The following ZBTB16 variants were observed in gnomAD, a reference collection of about 807,000 sequenced individuals.
ZBTB16 encodes the protein zinc finger and BTB domain containing 16.
A neutral mutation model predicts 56.8 loss-of-function variants in ZBTB16; 8 were observed. That is an observed-to-expected ratio of 0.14 (90% CI 0.08 to 0.25). The LOEUF (loss-of-function observed/expected upper bound fraction) is 0.25, where lower values mean the gene tolerates loss of function less well. Ranked by LOEUF, ZBTB16 falls within the 10% of genes least tolerant of loss-of-function variation. The pLI is 1.00. For synonymous variants in ZBTB16, 363 were observed against 368.5 expected (o/e 0.98, Z 0.17); for missense variants, 625 against 903.0 (o/e 0.69, Z 3.95).
chr11:114,200,467 A>G (rs937315859), intron 4 of ZBTB16, among the ~76,000 whole-genome samples: 1 of 152,172 alleles, frequency 6.6e-6, no homozygotes, highest in African/African-American at 2.4e-5. Context: ...GTGGCTTTTT[A>G]TGTATGGTCC....
intron 2 of ZBTB16, among the ~76,000 whole-genome samples, chr11:114,149,089 G>A (rs1362285311): frequency 2.6e-5 from 4 of 152,126 alleles, no homozygotes; most frequent in Admixed American, 2.6e-4. Context: ...AATCCAGCCA[G>A]CACAGACCCA....
intron 2 of ZBTB16, among the ~76,000 whole-genome samples, chr11:114,137,712 A>G (rs1221731860): frequency 2.0e-5 from 3 of 152,160 alleles, no homozygotes; most frequent in Non-Finnish European, 4.4e-5. Context: ...AAGGTTGACC[A>G]TGCCCTTTTT....
At chr11:114,134,034 G>A (rs1941736189) in intron 2 of ZBTB16, among the ~76,000 whole-genome samples, 1 of 152,226 alleles carries the variant, frequency 6.6e-6, no homozygotes, top group Non-Finnish European at 1.5e-5. Flanking sequence ...TGGCTCCTGA[G>A]ATGCACGGGA....
intron 3 of ZBTB16, 108 bp from the exon 4 acceptor site, chr11:114,186,844 G>A: frequency 9.5e-7 from 1 of 1,056,354 alleles, no homozygotes; most frequent in Admixed American, 1.8e-5. Flanking sequence ...GATTTTTGCG[G>A]GTGTCCAGTC....
chr11:114,228,157 T>C (rs1245283896), intron 4 of ZBTB16, among the ~76,000 whole-genome samples: 1 of 152,230 alleles, frequency 6.6e-6, no homozygotes, highest in African/African-American at 2.4e-5. Context: ...AGGATTGTCA[T>C]GGAAACTTGA....
At position 114,240,149 on chromosome 11, in the gene ZBTB16, C is replaced by G. The variant is rs567922006; in HGVS notation, c.1454-2018C>G. On this transcript the variant is annotated intron_variant, in intron 4 of 6. Transcript: ENST00000335953. Reference sequence around the variant, plus strand: ...CTTCCTGACTGCTGGTGAGATGGGGCGTGGCTCCAGGTGCTTAGACTTCAG... The same window carrying G: ...CTTCCTGACTGCTGGTGAGATGGGGGGTGGCTCCAGGTGCTTAGACTTCAG... Among the ~76,000 whole-genome samples, 11 of 152,154 alleles carry G rather than the reference C, an allele frequency of 7.2e-5. No homozygotes were observed. The East Asian group carries it at 1.4e-3, about 19-fold the overall frequency.
intron 2 of ZBTB16, among the ~76,000 whole-genome samples, chr11:114,067,169 C>T (rs757556941): frequency 5.3e-5 from 8 of 152,140 alleles, no homozygotes; most frequent in South Asian, 2.1e-4. Context: ...ACATAGTCAC[C>T]GCAGCGGTGG....
intron 5 of ZBTB16, 99 bp from the exon 6 acceptor site, chr11:114,247,099 A>G (rs1944830037): frequency 4.6e-6 from 7 of 1,538,334 alleles, no homozygotes; most frequent in Non-Finnish European, 6.3e-6. Flanking sequence ...TGGTGAATAC[A>G]GGCCGTCGCA....
At chr11:114,230,619 A>C (rs1944420367) in intron 4 of ZBTB16, among the ~76,000 whole-genome samples, 1 of 73,280 alleles carries the variant, frequency 1.4e-5, no homozygotes, top group Admixed American at 1.9e-4. Context: ...CTTAATTTGT[A>C]ATCATCTTCT....
chr11:114,187,109 G>A (rs765197054), intron 4 of ZBTB16, 71 bp downstream of exon 4: 1 of 1,476,876 alleles, frequency 6.8e-7, no homozygotes, highest in East Asian at 2.3e-5. Context: ...GAACTGTCTG[G>A]GTGGCAACCT....
intron 4 of ZBTB16, among the ~76,000 whole-genome samples, chr11:114,191,752 A>G (rs1943498418): frequency 6.6e-6 from 1 of 152,192 alleles, no homozygotes; most frequent in African/African-American, 2.4e-5. Context: ...ACTAAGTGAC[A>G]TTTGACTATA....
At chr11:114,110,085 G>A (rs979569505) in intron 2 of ZBTB16, among the ~76,000 whole-genome samples, 1 of 152,076 alleles carries the variant, frequency 6.6e-6, no homozygotes, top group African/African-American at 2.4e-5. Context: ...CGTGAAGAAT[G>A]TGGGGGACTT....
chr11:114,239,952 T>C (rs1944668744), intron 4 of ZBTB16, among the ~76,000 whole-genome samples: 1 of 152,220 alleles, frequency 6.6e-6, no homozygotes, highest in Admixed American at 6.5e-5. Context: ...TCTTTTACAC[T>C]GGTAAAAAGG....
At chr11:114,076,416 C>T (rs1032991339) in intron 2 of ZBTB16, among the ~76,000 whole-genome samples, 7 of 152,272 alleles carry the variant, frequency 4.6e-5, no homozygotes, top group Admixed American at 2.6e-4. Flanking sequence ...GTGGGCTTCT[C>T]TTCACTTTAC....
intron 6 of ZBTB16, among the ~76,000 whole-genome samples, chr11:114,248,063 A>G (rs901161337): frequency 1.3e-5 from 2 of 152,042 alleles, no homozygotes; most frequent in African/African-American, 2.4e-5. Context: ...ACGCCCAGCT[A>G]ATTTTGTATT....
intron 2 of ZBTB16, among the ~76,000 whole-genome samples, chr11:114,069,748 C>T (rs1271652042): frequency 2.0e-5 from 3 of 152,174 alleles, no homozygotes; most frequent in African/African-American, 7.2e-5. Flanking sequence ...TAATGATAGC[C>T]ACAGCAATGA....
intron 2 of ZBTB16, among the ~76,000 whole-genome samples, chr11:114,068,332 G>A (rs912175396): frequency 2.6e-5 from 4 of 152,104 alleles, no homozygotes; most frequent in Admixed American, 6.5e-5. Context: ...GAATGTCATC[G>A]GTAAGTTTCC....
intron 2 of ZBTB16, among the ~76,000 whole-genome samples, chr11:114,146,863 A>C (rs77226668): frequency 0.01 from 1,526 of 152,066 alleles, 19 homozygotes; most frequent in African/African-American, 0.035. Context: ...AAAAAAAAAA[A>C]AAACCAAAAC....
intron 2 of ZBTB16, among the ~76,000 whole-genome samples, chr11:114,152,234 G>A (rs549415046): frequency 3.4e-4 from 52 of 152,278 alleles, no homozygotes; most frequent in African/African-American, 1.1e-3. Context: ...ATATAGGCAC[G>A]GTCTCTGCCA....
Sources: allele counts gnomAD v4.1 joint callset (sites outside exome capture counted in the v4.1 genomes callset), GRCh38; gene constraint gnomAD v4.1.1; transcripts MANE v1.5; gene names NCBI Gene and HGNC (gene_info 2026-07-23, HGNC 2026-07-21).